KIR2DL1: variants seen among roughly 807,000 people sequenced by gnomAD.
The protein encoded by KIR2DL1 is killer cell immunoglobulin-like receptor 2DL1.
KIR2DL1 carries 38 observed loss-of-function variants against 33.9 expected under a neutral mutation model. The observed-to-expected ratio is 1.12, with a 90% confidence interval of 0.86 to 1.47. The LOEUF (loss-of-function observed/expected upper bound fraction) is 1.47. Among genes scored for constraint, KIR2DL1 ranks in the 40% most tolerant of loss-of-function variants. The pLI is 0.00. For synonymous variants in KIR2DL1, 179 were observed against 165.9 expected (o/e 1.08, Z -0.61); for missense variants, 531 against 433.9 (o/e 1.22, Z -1.99).
At chr19:54,775,005 G>C (rs1367178539) in intron 3 of KIR2DL1, among the ~76,000 whole-genome samples, 160 bp from the exon 4 acceptor site, 2 of 148,062 alleles carry the variant, frequency 1.4e-5, no homozygotes, top group African/African-American at 4.9e-5. Context: ...GACAGAGAAG[G>C]TGGAAGGAGG....
At chr19:54,778,794 A>G (rs2076643634) in intron 5 of KIR2DL1, 132 bp downstream of exon 5, 6 of 1,156,776 alleles carry the variant, frequency 5.2e-6, no homozygotes, top group Non-Finnish European at 7.6e-6. Context: ...AACTCCAGAT[A>G]CTCCTACAGC....
Position 54,775,337 on chromosome 19 carries a change from C to G in KIR2DL1, c.543C>G (p.Phe181Leu), listed in dbSNP as rs1304719975. The G allele has an allele frequency of 4.4e-6, 7 of 1,582,144 alleles. No homozygotes were observed. Among genetic ancestry groups the G allele is most frequent in the Non-Finnish European group, 6.1e-6 (7 of 1,154,218 alleles). ...CAGGGCCCAAGGTCAACGGAACATT[C>G]CAGGCTGACTTTCCTCTGGGCCCTG... ...LPAGPKVNGTFQADFPLGPAT... is the reference protein window; with the variant it reads ...LPAGPKVNGTLQADFPLGPAT... Residue 181 changes from phenylalanine to leucine, a missense_variant, in exon 4 of 8, where the codon TTC (phenylalanine) becomes TTG (leucine). Coordinates refer to ENST00000336077, the MANE Select transcript of KIR2DL1 (RefSeq NM_014218.3).
chr19:54,784,141 C>G lies in KIR2DL1; in HGVS notation c.*328C>G, dbSNP rs2077413260. On this transcript the variant is annotated 3_prime_UTR_variant, in exon 8 of 8. Transcript: ENST00000336077. ...CAATCACACTGAGGAACTCACAATT[C>G]CAAACATACAAGAGGCTCCCTCTTA... is the stretch of plus-strand genomic sequence containing the variant. The G allele has an allele frequency of 7.7e-6, 4 of 519,478 alleles. No individual in the cohort carries two copies. The highest frequency in any genetic ancestry group is 4.4e-5 in the South Asian group (2 of 45,554). The allele number at this position is 519,478 out of a possible 1,614,324, so 32.2% of individuals were successfully genotyped here. A position where few individuals can be genotyped will look rare whatever the true frequency, so the allele number is the denominator to read the frequency against.
intron 4 of KIR2DL1, among the ~76,000 whole-genome samples, chr19:54,778,074 A>G (rs2984171): frequency 0.31 from 37,552 of 122,446 alleles, 5,573 homozygotes; most frequent in South Asian, 0.43. Flanking sequence ...TAGTCTGGCC[A>G]ACGTGATGAA....
intron 6 of KIR2DL1, 146 bp from the exon 7 acceptor site, chr19:54,783,340 T>C: frequency 1.2e-6 from 1 of 852,464 alleles, no homozygotes; most frequent in Non-Finnish European, 1.9e-6. Flanking sequence ...GTCCTTGAGC[T>C]CAGAGAGATA....
At position 54,773,179 on chromosome 19, in the gene KIR2DL1, T is replaced by C. The variant is rs551391453; in HGVS notation, c.71-154T>C. On this transcript the variant is annotated intron_variant, in intron 2 of 7. Coordinates refer to ENST00000336077, the MANE Select transcript of KIR2DL1 (RefSeq NM_014218.3). Reference sequence around the variant, plus strand: ...AGTGAGGGAGACAGATGGAAGGACCTGCACCAGGAGTTATGGGCACAGAAA... The same window carrying C: ...AGTGAGGGAGACAGATGGAAGGACCCGCACCAGGAGTTATGGGCACAGAAA... Among the ~76,000 whole-genome samples, 14 of 148,196 alleles carry C rather than the reference T, an allele frequency of 9.4e-5. No individual in the cohort carries two copies. In the East Asian group the frequency reaches 2.5e-3, roughly 27 times the overall value.
intron 4 of KIR2DL1, among the ~76,000 whole-genome samples, chr19:54,778,068 C>T (rs1283972041): frequency 1.4e-5 from 2 of 146,928 alleles, no homozygotes; most frequent in Non-Finnish European, 3.0e-5. Context: ...CAAGATTAGT[C>T]TGGCCAACGT....
chr19:54,773,529 C>CA lies in KIR2DL1; in HGVS notation c.268dup (p.Met90AsnfsTer27). On this transcript the variant is annotated frameshift_variant, in exon 3 of 8. Transcript: ENST00000336077. LOFTEE classifies it high-confidence loss of function. ...CCAAGGCCAACTTCTCCATCAGTCG[C>CA]ATGACGCAAGACCTGGCAGGGACCT... is the stretch of plus-strand genomic sequence containing the variant. The CA allele has an allele frequency of 6.3e-7, 1 of 1,583,948 alleles. No homozygotes were observed. Among genetic ancestry groups the CA allele is most frequent in the Non-Finnish European group, 8.7e-7 (1 of 1,155,818 alleles).
At chr19:54,771,756 A>G (rs1489973198) in intron 2 of KIR2DL1, among the ~76,000 whole-genome samples, 1 of 148,096 alleles carries the variant, frequency 6.8e-6, no homozygotes, top group Non-Finnish European at 1.5e-5. Context: ...GAGCTCTACA[A>G]CATAATATTC....
rs1167589512 is a variant in KIR2DL1, at chr19:54,772,685, A to G, written c.71-648A>G. Among the ~76,000 whole-genome samples, 17 of 143,842 alleles carry G rather than the reference A, an allele frequency of 1.2e-4. No homozygotes were observed. In the East Asian group the frequency reaches 2.4e-3, roughly 20 times the overall value. The allele number at this position is 143,842 out of a possible 152,430, so 94.4% of individuals were successfully genotyped here. ...CACACCACTTCACTCCAGCCTGGGCAAAGGAGTGAGACTCTGTCGCCAAAA... is the reference window on the plus strand; with the variant it reads ...CACACCACTTCACTCCAGCCTGGGCGAAGGAGTGAGACTCTGTCGCCAAAA... On this transcript the variant is annotated intron_variant, in intron 2 of 7. Coordinates refer to ENST00000336077, the MANE Select transcript of KIR2DL1 (RefSeq NM_014218.3).
rs546880430 is a variant in KIR2DL1 at position 54,782,801 on chromosome 19, A to T, written c.716-121A>T. On this transcript the variant is annotated intron_variant, in intron 5 of 7. Transcript: ENST00000336077. Reference sequence around the variant, plus strand: ...GCAGGAGAAAGCTGGGTCTCCTGCCATCTGGGTGCTTGTCCTAAAGAGGTG... The same window carrying T: ...GCAGGAGAAAGCTGGGTCTCCTGCCTTCTGGGTGCTTGTCCTAAAGAGGTG... The T allele has an allele frequency of 3.8e-6, 4 of 1,054,072 alleles. No individual in the cohort carries two copies. The South Asian group carries it at 5.0e-5, about 13-fold the overall frequency. The allele number at this position is 1,054,072 out of a possible 1,614,324, so 65.3% of individuals were successfully genotyped here.
intron 5 of KIR2DL1, 24 bp downstream of exon 5, chr19:54,778,686 C>T: frequency 6.7e-7 from 1 of 1,495,016 alleles, no homozygotes; most frequent in Non-Finnish European, 9.2e-7. Flanking sequence ...CCTCTTATAT[C>T]CGCTTTTGGA....
At chr19:54,769,946 G>T in intron 1 of KIR2DL1, 62 bp downstream of exon 1, 3 of 1,545,904 alleles carry the variant, frequency 1.9e-6, no homozygotes, top group Admixed American at 1.7e-5. Flanking sequence ...CCCAGAGGTG[G>T]AGATATAGGC....
In KIR2DL1 at chr19:54,771,444, T is replaced by A. The variant is rs1380467383; in HGVS notation, c.70+560T>A. ...CAAAGTTCTCAGCTGACACTTTTGT[T>A]GTAGGGAGACACCTTGTGTTTGCGG... On this transcript the variant is annotated intron_variant, in intron 2 of 7. Coordinates refer to ENST00000336077, the MANE Select transcript of KIR2DL1 (RefSeq NM_014218.3). 4.0e-5 allele frequency among the ~76,000 whole-genome samples: 6 copies of A among 148,164 alleles called. No individual in the cohort carries two copies. In the South Asian group the frequency reaches 1.3e-3, roughly 31 times the overall value.
chr19:54,781,419 G>T (rs895012729), intron 5 of KIR2DL1, among the ~76,000 whole-genome samples: 2 of 150,154 alleles, frequency 1.3e-5, no homozygotes, highest in African/African-American at 4.9e-5. Flanking sequence ...AAAGTGCTCT[G>T]GTCATCACAA....
intron 5 of KIR2DL1, among the ~76,000 whole-genome samples, chr19:54,782,107 A>G (rs2916009): frequency 1.3e-5 from 2 of 151,998 alleles, no homozygotes; most frequent in East Asian, 3.9e-4. Context: ...CTCGGGACAT[A>G]TGGAGTCACC....
rs2076355137 is a variant in KIR2DL1 at position 54,776,471 on chromosome 19, T to C, written c.664+1013T>C. Reference sequence around the variant, plus strand: ...CTGTGCGTATGTACTACATTCTCTCTATCCATTCACCCACTGATGGGCAGG... The same window carrying C: ...CTGTGCGTATGTACTACATTCTCTCCATCCATTCACCCACTGATGGGCAGG... On this transcript the variant is annotated intron_variant, in intron 4 of 7. Transcript: ENST00000336077. Among the ~76,000 whole-genome samples the C allele has an allele frequency of 2.0e-5, 3 of 146,604 alleles. No individual in the cohort carries two copies. In the South Asian group the frequency reaches 6.4e-4, roughly 32 times the overall value.
At position 54,782,970 on chromosome 19, in the gene KIR2DL1, T is replaced by C. The variant is rs767404114; in HGVS notation, c.764T>C (p.Ile255Thr). 6.2e-7 allele frequency: 1 copy of C among 1,613,418 alleles called. No individual in the cohort carries two copies. The highest frequency in any genetic ancestry group is 8.5e-7 in the Non-Finnish European group (1 of 1,179,842). ...HILIGTSVVI[I>T]LFILLFFLLH... ...CTGATTGGGACCTCAGTGGTCATCATCCTCTTCATCCTCCTCTTCTTTCTC... is the reference window on the plus strand; with the variant it reads ...CTGATTGGGACCTCAGTGGTCATCACCCTCTTCATCCTCCTCTTCTTTCTC... Residue 255 changes from isoleucine to threonine, a missense_variant, in exon 6 of 8, where the codon ATC (isoleucine) becomes ACC (threonine). By Grantham distance (89) the Ile-to-Thr change is moderately conservative. Transcript: ENST00000336077.
chr19:54,782,717 C>T (rs1325906340), intron 5 of KIR2DL1, among the ~76,000 whole-genome samples: 2 of 151,806 alleles, frequency 1.3e-5, no homozygotes, highest in Non-Finnish European at 2.9e-5. Flanking sequence ...AACATCTCAA[C>T]TAAAGTAGTC....
Sources: allele counts gnomAD v4.1 joint callset (sites outside exome capture counted in the v4.1 genomes callset), GRCh38; gene constraint gnomAD v4.1.1; transcripts MANE v1.5; gene names NCBI Gene and HGNC (gene_info 2026-07-23, HGNC 2026-07-21).